The following PDS5A variants were observed in gnomAD, a reference collection of about 807,000 sequenced individuals.
PDS5A encodes PDS5 cohesin associated factor A.
PDS5A carries 42 observed loss-of-function variants against 167.1 expected under a neutral mutation model. That is an observed-to-expected ratio of 0.25 (90% CI 0.20 to 0.33). The LOEUF (loss-of-function observed/expected upper bound fraction) is 0.33. PDS5A is among the 10% of genes least tolerant of loss of function. The pLI is 1.00. For synonymous variants in PDS5A, 553 were observed against 554.6 expected, an observed-to-expected ratio of 1.00 and a Z score of 0.04; for missense variants, 1,033 against 1,605.9, an observed-to-expected ratio of 0.64 and a Z score of 6.10.
At chr4:39,879,896 T>A in intron 17 of PDS5A, 63 bp from the exon 18 acceptor site, 1 of 956,394 alleles carries the variant, frequency 1.0e-6, no homozygotes, top group Non-Finnish European at 1.7e-6. Context: ...CTAATCACAC[T>A]GTGACAGAAC....
At chr4:39,972,665 A>G (rs1413194423) in intron 2 of PDS5A, among the ~76,000 whole-genome samples, 1 of 146,632 alleles carries the variant, frequency 6.8e-6, no homozygotes, top group Non-Finnish European at 1.5e-5. Context: ...GTACCCAACC[A>G]CAACTTTCCT....
intron 30 of PDS5A, among the ~76,000 whole-genome samples, chr4:39,843,431 G>A (rs536950651): frequency 6.6e-5 from 10 of 151,894 alleles, no homozygotes; most frequent in African/African-American, 2.4e-4. Flanking sequence ...ATTTTCTTAC[G>A]TATAAAAAAT....
intron 2 of PDS5A, among the ~76,000 whole-genome samples, chr4:39,950,550 T>G (rs540237128): frequency 6.6e-6 from 1 of 151,796 alleles, no homozygotes; most frequent in Admixed American, 6.6e-5. Flanking sequence ...CTGGGCAACA[T>G]GGTGAAACCC....
chr4:39,928,699 T>G (rs1725681795), intron 2 of PDS5A, among the ~76,000 whole-genome samples: 2 of 151,932 alleles, frequency 1.3e-5, no homozygotes, highest in Non-Finnish European at 2.9e-5. Flanking sequence ...GTAGCATGTG[T>G]CTGTAGTCCC....
At chr4:39,956,086 C>T (rs1299739175) in intron 2 of PDS5A, among the ~76,000 whole-genome samples, 1 of 151,314 alleles carries the variant, frequency 6.6e-6, no homozygotes, top group Non-Finnish European at 1.5e-5. Context: ...CCACTGCACT[C>T]CAGCTTAAGA....
chr4:39,944,237 T>G (rs1050712052), intron 2 of PDS5A, among the ~76,000 whole-genome samples: 12 of 150,284 alleles, frequency 8.0e-5, no homozygotes, highest in African/African-American at 2.9e-4. Flanking sequence ...CTAATGTAGG[T>G]AAGAAATGGT....
In PDS5A at chr4:39,960,331, T is replaced by C. The variant is rs1729365625; in HGVS notation, c.138+16109A>G. On this transcript the variant is annotated intron_variant, in intron 2 of 32. Transcript: ENST00000303538. ...CATATATTATGGAAGTTACCAACTT[T>C]TAAAATATCACATAATACACAAAAA... 2.0e-5 allele frequency among the ~76,000 whole-genome samples: 3 copies of C among 152,222 alleles called. No individual in the cohort carries two copies. The South Asian group carries it at 6.2e-4, about 32-fold the overall frequency.
chr4:39,847,128 T>C (rs1717677521), intron 28 of PDS5A: 1 of 151,868 alleles, frequency 6.6e-6, no homozygotes, highest in Non-Finnish European at 1.5e-5. Flanking sequence ...TAAAACTCTG[T>C]AACACTGAAG....
intron 10 of PDS5A, among the ~76,000 whole-genome samples, chr4:39,909,381 C>T (rs80129736): frequency 0.073 from 11,116 of 152,112 alleles, 455 homozygotes; most frequent in Middle Eastern, 0.14. Flanking sequence ...GCCTTGGCCT[C>T]CCAATGTGCA....
chr4:39,911,193 C>G (rs2109683486), intron 9 of PDS5A, among the ~76,000 whole-genome samples: 2 of 152,062 alleles, frequency 1.3e-5, no homozygotes, highest in South Asian at 4.2e-4. Flanking sequence ...GAGAGCAAAC[C>G]ATATATAAGG....
chr4:39,900,034 G>T (rs1722744273), intron 14 of PDS5A, among the ~76,000 whole-genome samples: 1 of 151,638 alleles, frequency 6.6e-6, no homozygotes, highest in South Asian at 2.1e-4. Context: ...TTTTTAGTTT[G>T]CCATTGGCAT....
intron 26 of PDS5A, among the ~76,000 whole-genome samples, chr4:39,851,708 A>G (rs1472200767): frequency 6.6e-6 from 1 of 152,244 alleles, no homozygotes; most frequent in Non-Finnish European, 1.5e-5. Context: ...CAAAATAAAT[A>G]TAATAAACAT....
At chr4:39,952,460 T>G (rs1472547577) in intron 2 of PDS5A, among the ~76,000 whole-genome samples, 1 of 152,192 alleles carries the variant, frequency 6.6e-6, no homozygotes, top group African/African-American at 2.4e-5. Flanking sequence ...TAAAATTTTG[T>G]AAGTGTTAAA....
At chr4:39,963,433 T>A (rs1729685340) in intron 2 of PDS5A, among the ~76,000 whole-genome samples, 1 of 151,894 alleles carries the variant, frequency 6.6e-6, no homozygotes, top group Non-Finnish European at 1.5e-5. Context: ...CACTTCAGCC[T>A]GGGCAAAAAT....
chr4:39,867,741 C>T (rs1719629820), intron 22 of PDS5A, among the ~76,000 whole-genome samples: 1 of 70,522 alleles, frequency 1.4e-5, no homozygotes, highest in East Asian at 5.2e-4. Flanking sequence ...AAAACACACA[C>T]ACACACACAC....
At chr4:39,863,606 T>C in intron 23 of PDS5A, 147 bp from the exon 24 acceptor site, 1 of 546,746 alleles carries the variant, frequency 1.8e-6, no homozygotes, top group South Asian at 2.5e-5. Flanking sequence ...TTTGAGTCCA[T>C]GAACTTAACA....
chr4:39,833,705 G>A (rs2109473571), intron 32 of PDS5A, among the ~76,000 whole-genome samples: 1 of 152,210 alleles, frequency 6.6e-6, no homozygotes, highest in South Asian at 2.1e-4. Flanking sequence ...AATTGTTTCA[G>A]GAAGGGTTGA....
At chr4:39,901,040 T>C (rs1377607817) in intron 13 of PDS5A, among the ~76,000 whole-genome samples, 1 of 152,172 alleles carries the variant, frequency 6.6e-6, no homozygotes, top group African/African-American at 2.4e-5. Context: ...TATTCTAAAC[T>C]TTTCTCTCTC....
chr4:39,849,717 G>A, intron 26 of PDS5A, 65 bp from the exon 27 acceptor site: 1 of 1,058,522 alleles, frequency 9.4e-7, no homozygotes, highest in East Asian at 2.5e-5. Flanking sequence ...CAATAAATAT[G>A]TTAGCTGGGA....
Sources: gnomAD v4.1 joint callset for allele counts (sites outside exome capture counted in the v4.1 genomes callset) on GRCh38, gnomAD v4.1.1 for gene constraint, MANE v1.5 for transcripts, NCBI Gene and HGNC (gene_info 2026-07-23, HGNC 2026-07-21) for gene names.